The following KIRREL3 variants were observed in gnomAD, a reference collection of about 807,000 sequenced individuals.
The protein encoded by KIRREL3 is kirre like nephrin family adhesion molecule 3, also known as kin of IRRE-like protein 3.
Under a neutral mutation model 89.7 loss-of-function variants are expected in KIRREL3, and 36 were observed. The observed-to-expected ratio is 0.40, with a 90% confidence interval of 0.31 to 0.53. The LOEUF (loss-of-function observed/expected upper bound fraction) is 0.53. Ranked by LOEUF, KIRREL3 falls within the 20% of genes least tolerant of loss-of-function variation. The pLI, the probability that KIRREL3 is intolerant of heterozygous loss-of-function variation, is 0.49. For synonymous variants in KIRREL3, 445 were observed against 441.4 expected (o/e 1.01, Z -0.10); for missense variants, 864 against 1,056.6 (o/e 0.82, Z 2.53).
At chr11:126,437,629 T>C (rs932639590) in intron 11 of KIRREL3, among the ~76,000 whole-genome samples, 2 of 151,636 alleles carry the variant, frequency 1.3e-5, no homozygotes, top group African/African-American at 4.9e-5. Flanking sequence ...CACATCACAC[T>C]TCACACTAAA....
At chr11:126,911,762 T>G (rs532563560) in intron 1 of KIRREL3, among the ~76,000 whole-genome samples, 8 of 152,036 alleles carry the variant, frequency 5.3e-5, no homozygotes, top group Admixed American at 1.3e-4. Context: ...GGTGGGCGGA[T>G]GACGAGGTCA....
intron 1 of KIRREL3, among the ~76,000 whole-genome samples, chr11:126,701,368 T>C (rs1410325596): frequency 1.3e-5 from 2 of 151,964 alleles, no homozygotes; most frequent in African/African-American, 4.8e-5. Flanking sequence ...CTCTCAGTCT[T>C]GGTGAGAGAG....
In KIRREL3 at chr11:126,892,407, T is replaced by C. The variant is rs1355204935; in HGVS notation, c.55+108048A>G. ...AGTTTTATGACTCGATTTTAATCTG[T>C]ACCATTTAGGATATGCTCAGGAGGG... On this transcript the variant is annotated intron_variant, in intron 1 of 16. Transcript: ENST00000525144. This position sits in a 1 kb window ranked among gnomAD's most constrained non-coding sequence, Gnocchi z 5.4. Among the ~76,000 whole-genome samples, 1 of 152,178 alleles carries C rather than the reference T, an allele frequency of 6.6e-6. No individual in the cohort carries two copies.
In KIRREL3 at chr11:126,530,926, G is replaced by A. The variant is rs1429612196; in HGVS notation, c.134-4239C>T. On this transcript the variant is annotated intron_variant, in intron 2 of 16. Coordinates refer to ENST00000525144, the MANE Select transcript of KIRREL3 (RefSeq NM_032531.4). This position sits in a 1 kb window ranked among gnomAD's most constrained non-coding sequence, Gnocchi z 5.8. ...GCTCATTGCAACCTTTGCCTCCCGG[G>A]TTCAAGCGATTCTTCTGCCTCAGCC... Among the ~76,000 whole-genome samples the A allele has an allele frequency of 1.3e-5, 2 of 152,022 alleles. No homozygotes were observed. The highest frequency in any genetic ancestry group is 1.9e-4 in the East Asian group (1 of 5,186).
At position 126,609,646 on chromosome 11, in the gene KIRREL3, C is replaced by G. The variant is rs752921481; in HGVS notation, c.56-46734G>C. 2.6e-5 allele frequency among the ~76,000 whole-genome samples: 4 copies of G among 152,062 alleles called. No homozygotes were observed. Among genetic ancestry groups the G allele is most frequent in the Admixed American group, 2.0e-4 (3 of 15,272 alleles). ...TATAAAATCTAACTGGAACTGGGAT[C>G]GTGTTCTGGGGGTTCCGAACTTTGG... On this transcript the variant is annotated intron_variant, in intron 1 of 16. Coordinates refer to ENST00000525144, the MANE Select transcript of KIRREL3 (RefSeq NM_032531.4). This position sits in a 1 kb window ranked among gnomAD's most constrained non-coding sequence, Gnocchi z 5.0.
rs956172963 is a variant in KIRREL3 at position 126,557,118 on chromosome 11, C to T, written c.133+5717G>A. ...AGAAGTGCTGCCGGTAGCAGGGAGG[C>T]CTGCTCATCCCTGGGTCAGGTCCCC... is the stretch of plus-strand genomic sequence containing the variant. On this transcript the variant is annotated intron_variant, in intron 2 of 16. Transcript: ENST00000525144. The surrounding 1 kb of genome is among the most constrained non-coding windows in gnomAD (Gnocchi z 5.6). Among the ~76,000 whole-genome samples, 3 of 152,130 alleles carry T rather than the reference C, an allele frequency of 2.0e-5. No homozygotes were observed. The highest frequency in any genetic ancestry group is 1.9e-4 in the East Asian group (1 of 5,180).
At chr11:126,479,974 C>T (rs1401913444) in intron 4 of KIRREL3, among the ~76,000 whole-genome samples, 1 of 152,158 alleles carries the variant, frequency 6.6e-6, no homozygotes, top group Non-Finnish European at 1.5e-5. Flanking sequence ...TGTCTATGAT[C>T]CCACAGCATC....
At chr11:126,425,974 A>AG (rs1413590882) in intron 15 of KIRREL3, among the ~76,000 whole-genome samples, 1 of 152,212 alleles carries the variant, frequency 6.6e-6, no homozygotes. Context: ...CAGGTATCCG[A>AG]GGCCATACTT....
Position 126,912,929 on chromosome 11 carries a change from G to A in KIRREL3, c.55+87526C>T, listed in dbSNP as rs1258460978. 6.6e-6 allele frequency among the ~76,000 whole-genome samples: 1 copy of A among 152,200 alleles called. No homozygotes were observed. Among genetic ancestry groups the A allele is most frequent in the Non-Finnish European group, 1.5e-5 (1 of 68,042 alleles). On this transcript the variant is annotated intron_variant, in intron 1 of 16. Transcript: ENST00000525144. This position sits in a 1 kb window ranked among gnomAD's most constrained non-coding sequence, Gnocchi z 4.7. ...GGCATGCAGAGTGGTGACACCTGGG[G>A]TGCACCCATCAGTCTAAGTAGTCAA... is the stretch of plus-strand genomic sequence containing the variant.
At position 126,976,150 on chromosome 11, in the gene KIRREL3, A is replaced by G. The variant is rs1448529784; in HGVS notation, c.55+24305T>C. ...AGCACATTATTTGTCACCATGCCAC[A>G]TTGTTAGCTCATATTGAGATTTCAA... On this transcript the variant is annotated intron_variant, in intron 1 of 16. Coordinates refer to ENST00000525144, the MANE Select transcript of KIRREL3 (RefSeq NM_032531.4). This position sits in a 1 kb window ranked among gnomAD's most constrained non-coding sequence, Gnocchi z 4.2. Among the ~76,000 whole-genome samples, 3 of 152,136 alleles carry G rather than the reference A, an allele frequency of 2.0e-5. No individual in the cohort carries two copies. The East Asian group carries it at 5.8e-4, about 29-fold the overall frequency.
intron 2 of KIRREL3, among the ~76,000 whole-genome samples, chr11:126,539,363 A>G (rs1042844838): frequency 6.6e-5 from 10 of 152,210 alleles, no homozygotes; most frequent in African/African-American, 2.4e-4. Flanking sequence ...ACGTGTGCCA[A>G]GAAGTTTGTA....
At chr11:126,901,647 T>C (rs1411908388) in intron 1 of KIRREL3, among the ~76,000 whole-genome samples, 1 of 152,200 alleles carries the variant, frequency 6.6e-6, no homozygotes, top group Non-Finnish European at 1.5e-5. Context: ...AAGTCACAAC[T>C]TGGATGTCTA....
Position 126,676,861 on chromosome 11 carries a change from C to T in KIRREL3, c.56-113949G>A, listed in dbSNP as rs890671690. ...ATACAGTGGCTCAACCACAGGTCAC[C>T]GCAGCCTCGATCTCCCAGGCTCAAG... On this transcript the variant is annotated intron_variant, in intron 1 of 16. Coordinates refer to ENST00000525144, the MANE Select transcript of KIRREL3 (RefSeq NM_032531.4). The surrounding 1 kb of genome is among the most constrained non-coding windows in gnomAD (Gnocchi z 4.5). Among the ~76,000 whole-genome samples, 3 of 151,946 alleles carry T rather than the reference C, an allele frequency of 2.0e-5. No homozygotes were observed. The highest frequency in any genetic ancestry group is 4.8e-5 in the African/African-American group (2 of 41,356).
At position 126,653,451 on chromosome 11, in the gene KIRREL3, G is replaced by T. The variant is rs1797365680; in HGVS notation, c.56-90539C>A. On this transcript the variant is annotated intron_variant, in intron 1 of 16. Transcript: ENST00000525144. The surrounding 1 kb of genome is among the most constrained non-coding windows in gnomAD (Gnocchi z 5.4). The stretch of plus-strand genomic sequence containing the variant: ...GTCTTTGCTGTAAGATGGAGATAAT[G>T]ATACCTCATGGGGTTGTCATGAAAT... 1.3e-5 allele frequency among the ~76,000 whole-genome samples: 2 copies of T among 152,150 alleles called. No homozygotes were observed. The highest frequency in any genetic ancestry group is 2.9e-5 in the Non-Finnish European group (2 of 68,030).
rs550036249 is a variant in KIRREL3 at position 126,782,079 on chromosome 11, T to C, written c.55+218376A>G. Among the ~76,000 whole-genome samples the C allele has an allele frequency of 9.9e-5, 14 of 141,958 alleles. No individual in the cohort carries two copies. The highest frequency in any genetic ancestry group is 7.2e-4 in the Admixed American group (10 of 13,804). The allele number at this position is 141,958 out of a possible 152,430, so 93.1% of individuals were successfully genotyped here. A position where few individuals can be genotyped will look rare whatever the true frequency, so the allele number is the denominator to read the frequency against. ...CAGAGACAATGCGATGTGCTCAGCA[T>C]ATAATTTCCTCCTCCTGGGTTCACA... On this transcript the variant is annotated intron_variant, in intron 1 of 16. Transcript: ENST00000525144. The surrounding 1 kb of genome is among the most constrained non-coding windows in gnomAD (Gnocchi z 4.1).
chr11:126,749,567 G>T (rs1949267377), intron 1 of KIRREL3, among the ~76,000 whole-genome samples: 1 of 151,972 alleles, frequency 6.6e-6, no homozygotes, highest in Admixed American at 6.6e-5. Context: ...AAGGAAATAG[G>T]ATCATTTTTC....
In KIRREL3 at chr11:126,457,298, CGTGT is replaced by C. The variant is rs577692620; in HGVS notation, c.743-848_743-845del. On this transcript the variant is annotated intron_variant, in intron 6 of 16. Coordinates refer to ENST00000525144, the MANE Select transcript of KIRREL3 (RefSeq NM_032531.4). ...GTATGCATATGTGTATGTGTGTATG[CGTGT>C]GTATGTCTCTGTGTGTATGCATGTG... Among the ~76,000 whole-genome samples the C allele has an allele frequency of 5.3e-5, 7 of 131,964 alleles. No homozygotes were observed. The East Asian group carries it at 1.4e-3, about 26-fold the overall frequency. 86.6% of individuals were successfully genotyped at this position (131,964 alleles called of 152,430 possible). A position where few individuals can be genotyped will look rare whatever the true frequency, so the allele number is the denominator to read the frequency against.
At chr11:126,939,056 G>T (rs910693965) in intron 1 of KIRREL3, among the ~76,000 whole-genome samples, 2 of 152,162 alleles carry the variant, frequency 1.3e-5, no homozygotes, top group African/African-American at 4.8e-5. Flanking sequence ...CACATAGTAC[G>T]GACCCGCAGT....
At chr11:126,661,023 T>A (rs1204913553) in intron 1 of KIRREL3, among the ~76,000 whole-genome samples, 5 of 152,200 alleles carry the variant, frequency 3.3e-5, no homozygotes, top group Admixed American at 2.0e-4. Flanking sequence ...ACCACTGATG[T>A]TTATGTGTCT....
Sources: allele counts gnomAD v4.1 joint callset (sites outside exome capture counted in the v4.1 genomes callset), GRCh38; gene constraint gnomAD v4.1.1; non-coding constraint Gnocchi (gnomAD v3.1); transcripts MANE v1.5; gene names NCBI Gene and HGNC (gene_info 2026-07-23, HGNC 2026-07-21).